ZNF318: variants seen among roughly 807,000 people sequenced by gnomAD.
ZNF318 encodes the protein endocrine regulator.
A neutral mutation model predicts 124.2 loss-of-function variants in ZNF318; 51 were observed. That is an observed-to-expected ratio of 0.41 (90% CI 0.33 to 0.52). The LOEUF (loss-of-function observed/expected upper bound fraction) is 0.52, where lower values mean the gene tolerates loss of function less well. Ranked by LOEUF, ZNF318 falls within the 20% of genes least tolerant of loss-of-function variation. The probability of loss-of-function intolerance (pLI) is 0.23; values close to 1 mark genes in which losing one functional copy is unlikely to be tolerated. For missense variants in ZNF318, 2,815 were observed against 2,811.2 expected, an observed-to-expected ratio of 1.00 and a Z score of -0.03; for synonymous variants, 1,090 against 1,040.7, an observed-to-expected ratio of 1.05 and a Z score of -0.91.
Position 43,342,847 on chromosome 6 carries a change from A to C in ZNF318, c.3105T>G (p.Thr1035=), listed in dbSNP as rs1205564899. ...ESKVNNEKFR[T]KSPKPAESPQ... ...GGCTTTCGGCAGGCTTGGGGCTCTT[A>C]GTACGAAACTTCTCATTGTTTACTT... The change falls in exon 7 of 10, where the codon ACT becomes ACG. Residue 1035 remains threonine, a synonymous_variant. Coordinates refer to ENST00000361428, the MANE Select transcript of ZNF318 (RefSeq NM_014345.3). 1 of 1,613,188 alleles carries C rather than the reference A, an allele frequency of 6.2e-7. No homozygotes were observed. Among genetic ancestry groups the C allele is most frequent in the East Asian group, 2.2e-5 (1 of 44,856 alleles).
rs868029948 is a variant in ZNF318 at position 43,369,587 on chromosome 6, A to C, written c.-222T>G. 3.6e-4 allele frequency: 52 copies of C among 144,346 alleles called. No homozygotes were observed. Among genetic ancestry groups the C allele is most frequent in the East Asian group, 6.5e-4 (3 of 4,646 alleles). 8.9% of individuals were successfully genotyped at this position (144,346 alleles called of 1,614,324 possible). The stretch of plus-strand genomic sequence containing the variant: ...GAGGGCGCGAGCACGCGTCCGACAC[A>C]CCCCCCCCCGCCTCCGGGGTTCCCC... On this transcript the variant is annotated 5_prime_UTR_variant, in exon 1 of 10. Coordinates refer to ENST00000361428, the MANE Select transcript of ZNF318 (RefSeq NM_014345.3).
At position 43,357,460 on chromosome 6, in the gene ZNF318, A is replaced by C. The variant is rs1478011578; in HGVS notation, c.854T>G (p.Met285Arg). ...TGTAAAACTTGGGTGATCCCCTCCC[A>C]TGCTGTTTATCTTCACTGTGTCATC... is the stretch of plus-strand genomic sequence containing the variant. ...RYDDTVKINS[M>R]GGDHPSFTSG... Residue 285 changes from methionine to arginine, a missense_variant, in exon 3 of 10, where the codon ATG (methionine) becomes AGG (arginine). Transcript: ENST00000361428. 1.2e-6 allele frequency: 2 copies of C among 1,614,156 alleles called. No individual in the cohort carries two copies.
In ZNF318 at chr6:43,369,343, G is replaced by A; in HGVS notation, c.23C>T (p.Ser8Phe). Residue 8 changes from serine (S) to phenylalanine (F), a missense_variant, in exon 1 of 10, where the codon TCC (serine) becomes TTC (phenylalanine). This residue lies in a region of ZNF318 where 1,377 missense variants were observed against 1,353.5 expected (regional missense o/e 1.02). Coordinates refer to ENST00000361428, the MANE Select transcript of ZNF318 (RefSeq NM_014345.3). MYRSSAR[S>F]SVSSHRPKDD... ...TTTAGGCCGGTGGGAAGAGACGGAG[G>A]AGCGAGCGCTGCTGCGGTACATGGT... is the stretch of plus-strand genomic sequence containing the variant. The A allele has an allele frequency of 3.0e-6, 4 of 1,337,354 alleles. No individual in the cohort carries two copies. The highest frequency in any genetic ancestry group is 2.8e-4 in the Middle Eastern group (1 of 3,586). The allele number at this position is 1,337,354 out of a possible 1,614,324, so 82.8% of individuals were successfully genotyped here. A position where few individuals can be genotyped will look rare whatever the true frequency, so the allele number is the denominator to read the frequency against.
Position 43,339,714 on chromosome 6 carries a change from A to T in ZNF318, c.4284T>A (p.Ala1428=). The T allele has an allele frequency of 6.2e-7, 1 of 1,614,108 alleles. No homozygotes were observed. The highest frequency in any genetic ancestry group is 1.1e-5 in the South Asian group (1 of 91,080). The change falls in exon 10 of 10, where the codon GCT becomes GCA. Residue 1428 remains alanine, a synonymous_variant. Transcript: ENST00000361428. The surrounding 1 kb of genome is among the most constrained non-coding windows in gnomAD (Gnocchi z 4.2). The part of the protein sequence containing the change: ...KGSPEEKVVL[A]EKSEPSHLPE... ...GTAAATGAGATGGCTCACTCTTTTC[A>T]GCCAACACCACTTTTTCCTCTGGAG...
Position 43,355,099 on chromosome 6 carries a change from G to C in ZNF318, c.2235C>G (p.Ala745=). The change falls in exon 4 of 10, where the codon GCC becomes GCG. Residue 745 remains alanine, a synonymous_variant. Coordinates refer to ENST00000361428, the MANE Select transcript of ZNF318 (RefSeq NM_014345.3). ...SVAVRCMLPS[A]PSAPIRLPHT... ...GTGGAAGTCTAATTGGGGCAGATGG[G>C]GCTGATGGCAACATGCACCTGACTG... 1 of 1,614,184 alleles carries C rather than the reference G, an allele frequency of 6.2e-7. No individual in the cohort carries two copies. Among genetic ancestry groups the C allele is most frequent in the Non-Finnish European group, 8.5e-7 (1 of 1,180,038 alleles).
At chr6:43,352,317 C>G (rs75782786) in intron 5 of ZNF318, 60 bp downstream of exon 5, 2 of 1,198,888 alleles carry the variant, frequency 1.7e-6, no homozygotes, top group African/African-American at 7.2e-5. Flanking sequence ...GTGAGAGTAC[C>G]AAATTTGGGT....
chr6:43,344,304 C>A (rs1004530482), intron 6 of ZNF318, among the ~76,000 whole-genome samples: 1 of 152,124 alleles, frequency 6.6e-6, no homozygotes, highest in Non-Finnish European at 1.5e-5. Flanking sequence ...TTACATACCT[C>A]AAAATACTGT....
intron 1 of ZNF318, among the ~76,000 whole-genome samples, chr6:43,366,266 G>A (rs529602147): frequency 1.1e-3 from 166 of 152,278 alleles, no homozygotes; most frequent in Admixed American, 1.8e-3. Flanking sequence ...ACAGAAAAGC[G>A]GCCGGTGTGG....
Position 43,355,655 on chromosome 6 carries a change from C to CTCT in ZNF318, c.1676_1678dup (p.Glu559_Ser560insLys). ...GCTTGCCTTCTGCCTCATAACTTCACTCTCAGAGCTCCCAAGGGGCTTTGG... is the reference window on the plus strand; with the variant it reads ...GCTTGCCTTCTGCCTCATAACTTCACTCTTCTCAGAGCTCCCAAGGGGCTTTGG... On this transcript the variant is annotated inframe_insertion, in exon 4 of 10. Coordinates refer to ENST00000361428, the MANE Select transcript of ZNF318 (RefSeq NM_014345.3). 6.2e-7 allele frequency: 1 copy of CTCT among 1,614,216 alleles called. No individual in the cohort carries two copies. The highest frequency in any genetic ancestry group is 8.5e-7 in the Non-Finnish European group (1 of 1,180,038).
At chr6:43,363,931 A>G (rs1469492291) in intron 2 of ZNF318, 6 of 672,918 alleles carry the variant, frequency 8.9e-6, no homozygotes, top group Non-Finnish European at 1.6e-5. Context: ...CTGGGGGAAC[A>G]AGATCCACAA....
intron 3 of ZNF318, 102 bp from the exon 4 acceptor site, chr6:43,356,247 G>C (rs1779607653): frequency 8.0e-7 from 1 of 1,254,216 alleles, no homozygotes. Context: ...ATTAACAGGT[G>C]AGATACAAGT....
chr6:43,339,714 A>C lies in ZNF318; in HGVS notation c.4284T>G (p.Ala1428=). Residue 1428 remains alanine (A), a synonymous_variant, in exon 10 of 10, where the codon GCT becomes GCG. Coordinates refer to ENST00000361428, the MANE Select transcript of ZNF318 (RefSeq NM_014345.3). The surrounding 1 kb of genome is among the most constrained non-coding windows in gnomAD (Gnocchi z 4.2). ...GTAAATGAGATGGCTCACTCTTTTC[A>C]GCCAACACCACTTTTTCCTCTGGAG... ...KGSPEEKVVL[A]EKSEPSHLPE... 6.2e-7 allele frequency: 1 copy of C among 1,614,108 alleles called. No homozygotes were observed. Among genetic ancestry groups the C allele is most frequent in the Non-Finnish European group, 8.5e-7 (1 of 1,180,046 alleles).
chr6:43,336,466 C>T lies in ZNF318; in HGVS notation c.*692G>A, dbSNP rs946656768. ...TTGTCGTCTTCTAAAAGTAAGCCTG[C>T]CAGATATTCTTCCATGTTTATTTCC... On this transcript the variant is annotated 3_prime_UTR_variant, in exon 10 of 10. Coordinates refer to ENST00000361428, the MANE Select transcript of ZNF318 (RefSeq NM_014345.3). The T allele has an allele frequency of 6.6e-6, 1 of 152,198 alleles. No individual in the cohort carries two copies. The highest frequency in any genetic ancestry group is 1.5e-5 in the Non-Finnish European group (1 of 68,042). 9.4% of individuals were successfully genotyped at this position (152,198 alleles called of 1,614,324 possible).
Position 43,354,211 on chromosome 6 carries a change from T to C in ZNF318, c.2670+453A>G, listed in dbSNP as rs1581646101. Reference sequence around the variant, plus strand: ...GAACAAGCAAAGTTTATTTCTTGGTTTGCTTCAATTATCAAGCAACAACTA... The same window carrying C: ...GAACAAGCAAAGTTTATTTCTTGGTCTGCTTCAATTATCAAGCAACAACTA... On this transcript the variant is annotated intron_variant, in intron 4 of 9. Coordinates refer to ENST00000361428, the MANE Select transcript of ZNF318 (RefSeq NM_014345.3). 2.0e-5 allele frequency among the ~76,000 whole-genome samples: 3 copies of C among 152,312 alleles called. No homozygotes were observed. The South Asian group carries it at 6.2e-4, about 32-fold the overall frequency.
In ZNF318 at chr6:43,365,194, A is replaced by T. The variant is rs1262725447; in HGVS notation, c.548+98T>A. On this transcript the variant is annotated intron_variant, in intron 2 of 9. Transcript: ENST00000361428. Reference sequence around the variant, plus strand: ...GACATGTGGCATAGGAAATAACTTTAGAGCTGGCACCATCCTTTCAAATAT... The same window carrying T: ...GACATGTGGCATAGGAAATAACTTTTGAGCTGGCACCATCCTTTCAAATAT... 3 of 1,368,536 alleles carry T rather than the reference A, an allele frequency of 2.2e-6. 1 individual carries two copies. The Admixed American group carries it at 6.4e-5, about 29-fold the overall frequency. The allele number at this position is 1,368,536 out of a possible 1,614,324, so 84.8% of individuals were successfully genotyped here.
Position 43,369,195 on chromosome 6 carries a change from G to A in ZNF318, c.171C>T (p.Pro57=), listed in dbSNP as rs1374623149. 6 of 1,211,920 alleles carry A rather than the reference G, an allele frequency of 5.0e-6. No individual in the cohort carries two copies. Among genetic ancestry groups the A allele is most frequent in the Non-Finnish European group, 3.1e-6 (3 of 976,956 alleles). The allele number at this position is 1,211,920 out of a possible 1,614,324, so 75.1% of individuals were successfully genotyped here. ...GGCCGCGGTGCCCTGAGGGCGAGCG[G>A]GGTCGGCGAGCCGGGGTCCGCGACG... ...GSSSRTPARR[P]RSPSGHRGRR... Residue 57 remains proline, a synonymous_variant, in exon 1 of 10, where the codon CCC becomes CCT. Coordinates refer to ENST00000361428, the MANE Select transcript of ZNF318 (RefSeq NM_014345.3).
intron 2 of ZNF318, among the ~76,000 whole-genome samples, chr6:43,358,900 G>A (rs1779646581): frequency 6.6e-6 from 1 of 152,172 alleles, no homozygotes; most frequent in Non-Finnish European, 1.5e-5. Flanking sequence ...TGTAAAGAGT[G>A]CTCAGGAGCT....
chr6:43,342,603 A>T, intron 7 of ZNF318, 73 bp downstream of exon 7: 1 of 1,488,706 alleles, frequency 6.7e-7, no homozygotes, highest in Non-Finnish European at 9.3e-7. Context: ...CCAGCTTTGC[A>T]ATGCAGATAG....
intron 2 of ZNF318, chr6:43,364,259 C>T: frequency 1.8e-6 from 1 of 561,786 alleles, no homozygotes. Flanking sequence ...AGTCTCTGTG[C>T]AGAGGACGTA....
Sources: allele counts gnomAD v4.1 joint callset (sites outside exome capture counted in the v4.1 genomes callset), GRCh38; gene constraint gnomAD v4.1.1; regional missense constraint gnomAD v4.1.1; non-coding constraint Gnocchi (gnomAD v3.1); transcripts MANE v1.5; gene names NCBI Gene and HGNC (gene_info 2026-07-23, HGNC 2026-07-21).